Variants in TMEM126B observed in about 807,000 individuals in gnomAD.
TMEM126B encodes complex I assembly factor TMEM126B, mitochondrial.
Under a neutral mutation model 16.5 loss-of-function variants are expected in TMEM126B, and 19 were observed. The ratio of observed to expected loss-of-function variants is 1.15; its 90% CI spans 0.80 to 1.69. The LOEUF (loss-of-function observed/expected upper bound fraction) is 1.69, where lower values mean the gene tolerates loss of function less well. Ranked by LOEUF, TMEM126B falls within the 40% of genes most tolerant of loss-of-function variation. TMEM126B has a pLI of 0.00. For missense variants in TMEM126B, 293 were observed against 278.7 expected (o/e 1.05, Z -0.37); for synonymous variants, 104 against 93.2 (o/e 1.12, Z -0.67).
chr11:85,628,937 TC>T (rs766941628), intron 1 of TMEM126B, among the ~76,000 whole-genome samples: 1 of 152,240 alleles, frequency 6.6e-6, no homozygotes, highest in Non-Finnish European at 1.5e-5. Context: ...ACAGGCTTTT[TC>T]TTCAACTTGG....
intron 1 of TMEM126B, among the ~76,000 whole-genome samples, chr11:85,630,756 A>T (rs1329394179): frequency 6.6e-6 from 1 of 152,220 alleles, no homozygotes; most frequent in Non-Finnish European, 1.5e-5. Context: ...CTTCCGACCA[A>T]GGAGCCCAGT....
intron 2 of TMEM126B, among the ~76,000 whole-genome samples, chr11:85,632,771 A>C (rs915235773): frequency 6.6e-6 from 1 of 152,076 alleles, no homozygotes; most frequent in African/African-American, 2.4e-5. Flanking sequence ...CAACATCCCC[A>C]AAAAGTTCCC....
At chr11:85,631,972 C>G (rs1217922167) in intron 2 of TMEM126B, among the ~76,000 whole-genome samples, 164 bp downstream of exon 2, 2 of 152,002 alleles carry the variant, frequency 1.3e-5, no homozygotes, top group Admixed American at 1.3e-4. Context: ...ATGGGGGAAA[C>G]AAGAACAGAT....
intron 2 of TMEM126B, among the ~76,000 whole-genome samples, chr11:85,633,088 T>A (rs560095238): frequency 6.6e-6 from 1 of 152,350 alleles, no homozygotes; most frequent in South Asian, 2.1e-4. Context: ...TTACTGAGAA[T>A]GATGATTTCC....
intron 3 of TMEM126B, among the ~76,000 whole-genome samples, chr11:85,635,360 C>T (rs772912653): frequency 2.0e-5 from 3 of 152,062 alleles, no homozygotes; most frequent in Non-Finnish European, 2.9e-5. Context: ...TGCAGTGAGC[C>T]GAGATCGTGC....
chr11:85,630,915 T>A (rs2082284424), intron 1 of TMEM126B, among the ~76,000 whole-genome samples: 1 of 152,166 alleles, frequency 6.6e-6, no homozygotes, highest in Non-Finnish European at 1.5e-5. Flanking sequence ...AATACAAAAA[T>A]TAGCCGGGTG....
intron 2 of TMEM126B, among the ~76,000 whole-genome samples, chr11:85,632,674 C>T (rs1030632568): frequency 6.6e-6 from 1 of 151,846 alleles, no homozygotes; most frequent in African/African-American, 2.4e-5. Flanking sequence ...TCTTGACATT[C>T]ATCCATTTAA....
chr11:85,636,264 G>A lies in TMEM126B; in HGVS notation c.*35G>A, dbSNP rs758699626. ...TGAATGGTTGCTAACTTAGCAAAAT[G>A]AAGTTTCTATAAAGAGGACTCAGGC... On this transcript the variant is annotated 3_prime_UTR_variant, in exon 5 of 5. Coordinates refer to ENST00000358867, the MANE Select transcript of TMEM126B (RefSeq NM_018480.7). 1.2e-5 allele frequency: 17 copies of A among 1,390,766 alleles called. No homozygotes were observed. The allele number at this position is 1,390,766 out of a possible 1,614,324, so 86.2% of individuals were successfully genotyped here. A position where few individuals can be genotyped will look rare whatever the true frequency, so the allele number is the denominator to read the frequency against.
intron 2 of TMEM126B, 78 bp downstream of exon 2, chr11:85,631,886 T>C (rs2082307360): frequency 5.6e-6 from 8 of 1,425,294 alleles, no homozygotes; most frequent in Non-Finnish European, 7.5e-6. Context: ...TAAGATCCTA[T>C]TCTTTCTTAC....
At chr11:85,630,015 G>C (rs2082250482) in intron 1 of TMEM126B, among the ~76,000 whole-genome samples, 1 of 152,184 alleles carries the variant, frequency 6.6e-6, no homozygotes, top group Non-Finnish European at 1.5e-5. Flanking sequence ...TCTGTATGTT[G>C]ATGCCAGGAA....
chr11:85,634,166 G>A lies in TMEM126B; in HGVS notation c.284G>A (p.Arg95His), dbSNP rs767053552. ...SGIFSNFLFR[R>H]CFKVKHDALK... The stretch of plus-strand genomic sequence containing the variant: ...ATATTCTCAAACTTCCTGTTCAGAC[G>A]CTGCTTCAAGGTTAAACATGATGCT... Residue 95 changes from arginine to histidine, a missense_variant, in exon 3 of 5, where the codon CGC becomes CAC. Arg to His is a conservative substitution (Grantham distance 29). Coordinates refer to ENST00000358867, the MANE Select transcript of TMEM126B (RefSeq NM_018480.7). 2.6e-5 allele frequency: 42 copies of A among 1,613,424 alleles called. No individual in the cohort carries two copies. Among genetic ancestry groups the A allele is most frequent in the African/African-American group, 1.6e-4 (12 of 74,880 alleles).
In TMEM126B at chr11:85,631,823, C is replaced by G. The variant is rs757716030; in HGVS notation, c.203+15C>G. 4 of 1,585,736 alleles carry G rather than the reference C, an allele frequency of 2.5e-6. No individual in the cohort carries two copies. Among genetic ancestry groups the G allele is most frequent in the African/African-American group, 1.5e-5 (1 of 66,542 alleles). On this transcript the variant is annotated intron_variant, in intron 2 of 4. Transcript: ENST00000358867. ...AGAAAAGAAATGTAAGAGAAATGCC[C>G]AGGCTGAAAATCAGTCATTTTATTT...
chr11:85,635,685 A>C lies in TMEM126B; in HGVS notation c.416A>C (p.Asn139Thr). ...TTTCCAGATAATATAAGCAAGGAAAACTGTGTTTTCAGAAGCTCACTGATT... is the reference window on the plus strand; with the variant it reads ...TTTCCAGATAATATAAGCAAGGAAACCTGTGTTTTCAGAAGCTCACTGATT... ...ALYSDNISKENCVFRSSLIGI... is the reference protein window; with the variant it reads ...ALYSDNISKETCVFRSSLIGI... The change falls in exon 4 of 5, where the codon AAC becomes ACC. Residue 139 changes from asparagine (N) to threonine (T), a missense_variant. Physicochemically the swap from Asn to Thr is moderately conservative, Grantham distance 65. Coordinates refer to ENST00000358867, the MANE Select transcript of TMEM126B (RefSeq NM_018480.7). The C allele has an allele frequency of 6.2e-7, 1 of 1,604,344 alleles. No individual in the cohort carries two copies. The highest frequency in any genetic ancestry group is 8.5e-7 in the Non-Finnish European group (1 of 1,177,766).
intron 3 of TMEM126B, 22 bp from the exon 4 acceptor site, chr11:85,635,645 C>A: frequency 1.3e-6 from 2 of 1,564,450 alleles, no homozygotes; most frequent in South Asian, 1.1e-5. Flanking sequence ...AAAGGAAAAC[C>A]AAATTTACTT....
At chr11:85,635,914 G>C in intron 4 of TMEM126B, 132 bp from the exon 5 acceptor site, 1 of 1,133,914 alleles carries the variant, frequency 8.8e-7, no homozygotes, top group South Asian at 1.7e-5. Context: ...TGGTATTTCA[G>C]ATAGCTAACT....
intron 2 of TMEM126B, among the ~76,000 whole-genome samples, chr11:85,633,223 T>C (rs2082337524): frequency 6.6e-6 from 1 of 152,174 alleles, no homozygotes; most frequent in South Asian, 2.1e-4. Flanking sequence ...TTGGGTTGGT[T>C]CCAAGTCTTT....
intron 3 of TMEM126B, 103 bp from the exon 4 acceptor site, chr11:85,635,564 A>T: frequency 1.5e-6 from 1 of 688,940 alleles, no homozygotes; most frequent in Non-Finnish European, 2.5e-6. Context: ...TCTATGGTTT[A>T]GTTGTGGTTG....
intron 4 of TMEM126B, 34 bp downstream of exon 4, chr11:85,635,812 T>A: frequency 7.1e-7 from 1 of 1,409,588 alleles, no homozygotes; most frequent in Non-Finnish European, 9.6e-7. Flanking sequence ...TTTTCTTTTC[T>A]TTTCTTTTCT....
intron 3 of TMEM126B, 86 bp from the exon 4 acceptor site, chr11:85,635,581 G>C: frequency 1.2e-6 from 1 of 846,700 alleles, no homozygotes; most frequent in Non-Finnish European, 1.9e-6. Context: ...GTTGAGGATA[G>C]TGCAGATAAC....
Sources: gnomAD v4.1 joint callset for allele counts (sites outside exome capture counted in the v4.1 genomes callset) on GRCh38, gnomAD v4.1.1 for gene constraint, MANE v1.5 for transcripts, NCBI Gene and HGNC (gene_info 2026-07-23, HGNC 2026-07-21) for gene names.